Variants in STAT5B observed in about 807,000 individuals in gnomAD.
The protein encoded by STAT5B is transcription factor STAT5B.
In STAT5B, 21 loss-of-function variants were observed where a neutral mutation model predicts 107.8. That is an observed-to-expected ratio of 0.19 (90% CI 0.14 to 0.28). The LOEUF is 0.28. STAT5B is among the 10% of genes least tolerant of loss of function. The pLI is 1.00. For synonymous variants in STAT5B, 325 were observed against 401.7 expected (o/e 0.81, Z 2.28); for missense variants, 565 against 1,008.2 (o/e 0.56, Z 5.95).
chr17:42,238,583 A>G (rs2144317564), intron 1 of STAT5B, among the ~76,000 whole-genome samples: 1 of 151,170 alleles, frequency 6.6e-6, no homozygotes, highest in African/African-American at 2.4e-5. Context: ...CCTCCTAAGC[A>G]GCTGGGATTA....
chr17:42,240,826 T>C (rs1277072622), intron 1 of STAT5B, among the ~76,000 whole-genome samples: 2 of 152,214 alleles, frequency 1.3e-5, no homozygotes, highest in Admixed American at 6.5e-5. Flanking sequence ...CTGTTTGTTA[T>C]ATTTCATAAT....
At chr17:42,243,938 G>A (rs1329716054) in intron 1 of STAT5B, among the ~76,000 whole-genome samples, 1 of 152,132 alleles carries the variant, frequency 6.6e-6, no homozygotes, top group Non-Finnish European at 1.5e-5. Context: ...ATCCCTTTGG[G>A]AAGAAGCTAC....
At chr17:42,255,533 C>T (rs2080535474) in intron 1 of STAT5B, among the ~76,000 whole-genome samples, 2 of 151,850 alleles carry the variant, frequency 1.3e-5, no homozygotes, top group Admixed American at 6.6e-5. Context: ...AATTATGTTG[C>T]AAAAAAAGGA....
At chr17:42,248,980 T>C (rs2080475814) in intron 1 of STAT5B, among the ~76,000 whole-genome samples, 1 of 152,236 alleles carries the variant, frequency 6.6e-6, no homozygotes, top group Non-Finnish European at 1.5e-5. Context: ...TAAGATCATA[T>C]GGAGCTACGC....
chr17:42,215,728 C>T (rs1468355798), intron 12 of STAT5B, among the ~76,000 whole-genome samples: 3 of 152,062 alleles, frequency 2.0e-5, no homozygotes, highest in South Asian at 2.1e-4. Flanking sequence ...AAGTGATTGT[C>T]GTGCCTCAGC....
At chr17:42,210,554 T>C (rs1046759740) in intron 13 of STAT5B, 57 bp from the exon 14 acceptor site, 54 of 1,439,930 alleles carry the variant, frequency 3.8e-5, no homozygotes, top group Non-Finnish European at 5.3e-5. Context: ...TGGAATATTA[T>C]ACACATATTT....
At chr17:42,244,096 T>TC (rs2080429972) in intron 1 of STAT5B, among the ~76,000 whole-genome samples, 1 of 151,390 alleles carries the variant, frequency 6.6e-6, no homozygotes, top group Non-Finnish European at 1.5e-5. Flanking sequence ...TCTTTTCTTT[T>TC]TTTTTTTTTG....
At chr17:42,227,756 A>G in intron 2 of STAT5B, 71 bp from the exon 3 acceptor site, 1 of 1,506,118 alleles carries the variant, frequency 6.6e-7, no homozygotes, top group East Asian at 2.3e-5. Flanking sequence ...GCCTCAACAC[A>G]TCCTACTTTT....
intron 1 of STAT5B, among the ~76,000 whole-genome samples, chr17:42,264,380 CCA>C (rs969316009): frequency 7.6e-6 from 1 of 131,800 alleles, no homozygotes; most frequent in African/African-American, 2.8e-5. Context: ...ACAACAGTCC[CCA>C]GAGTGTGATG....
At chr17:42,237,067 A>T (rs1026641977) in intron 1 of STAT5B, among the ~76,000 whole-genome samples, 2 of 152,350 alleles carry the variant, frequency 1.3e-5, no homozygotes, top group Non-Finnish European at 2.9e-5. Flanking sequence ...GATGAGAACT[A>T]TTTGAGCTCG....
intron 1 of STAT5B, among the ~76,000 whole-genome samples, chr17:42,239,246 CAA>C (rs770177992): frequency 1.1e-4 from 6 of 52,494 alleles, no homozygotes; most frequent in Non-Finnish European, 1.8e-4. Context: ...GACTCTGTCT[CAA>C]AAAAAAAAAA....
chr17:42,201,675 A>C lies in STAT5B; in HGVS notation c.*63T>G. 9.3e-7 allele frequency: 1 copy of C among 1,072,446 alleles called. No homozygotes were observed. Among genetic ancestry groups the C allele is most frequent in the East Asian group, 2.4e-5 (1 of 42,438 alleles). The allele number at this position is 1,072,446 out of a possible 1,614,324, so 66.4% of individuals were successfully genotyped here. ...AAAGAGAAGCGATTCATGGAATTAA[A>C]ACATCCACAAGAGTGATTCCTCTGG... On this transcript the variant is annotated 3_prime_UTR_variant, in exon 19 of 19. Transcript: ENST00000293328.
intron 15 of STAT5B, among the ~76,000 whole-genome samples, chr17:42,208,918 G>A (rs1293438288): frequency 6.6e-6 from 1 of 152,038 alleles, no homozygotes; most frequent in Non-Finnish European, 1.5e-5. Flanking sequence ...GTTTTTAGTA[G>A]AGACGGGGGT....
chr17:42,202,621 C>A, intron 17 of STAT5B, 136 bp downstream of exon 17: 1 of 1,521,994 alleles, frequency 6.6e-7, no homozygotes, highest in Non-Finnish European at 9.1e-7. Context: ...ATAGCATCAC[C>A]AAGCCCAGGT....
intron 17 of STAT5B, 117 bp downstream of exon 17, chr17:42,202,640 A>G: frequency 6.4e-7 from 1 of 1,562,408 alleles, no homozygotes; most frequent in Non-Finnish European, 8.8e-7. Flanking sequence ...GTCCTTCCCC[A>G]GGGCTGAGAC....
chr17:42,222,914 C>A (rs968481619), intron 5 of STAT5B, among the ~76,000 whole-genome samples: 2 of 151,932 alleles, frequency 1.3e-5, no homozygotes, highest in African/African-American at 4.8e-5. Context: ...GAACTCCTGA[C>A]CTCAGGTGAT....
chr17:42,215,942 G>A, intron 12 of STAT5B, 72 bp downstream of exon 12: 1 of 1,522,914 alleles, frequency 6.6e-7, no homozygotes, highest in Non-Finnish European at 9.0e-7. Flanking sequence ...CTTTTTAAAA[G>A]GATAATACAT....
intron 15 of STAT5B, 96 bp from the exon 16 acceptor site, chr17:42,207,824 T>C: frequency 1.6e-6 from 2 of 1,265,728 alleles, no homozygotes; most frequent in Non-Finnish European, 2.3e-6. Context: ...CTTGCCATTA[T>C]AATGGCTCCA....
Position 42,218,345 on chromosome 17 carries a change from G to C in STAT5B, c.990-15C>G. The stretch of plus-strand genomic sequence containing the variant: ...TGATGAACGTGCTGCAGGGGACACA[G>C]GGACAGATGCATGATGAGGGGCTGG... On this transcript the variant is annotated splice_polypyrimidine_tract_variant and intron_variant, in intron 8 of 18. Transcript: ENST00000293328. 1 of 1,611,350 alleles carries C rather than the reference G, an allele frequency of 6.2e-7. No homozygotes were observed. The highest frequency in any genetic ancestry group is 8.5e-7 in the Non-Finnish European group (1 of 1,177,932).
Sources: allele counts gnomAD v4.1 joint callset (sites outside exome capture counted in the v4.1 genomes callset), GRCh38; gene constraint gnomAD v4.1.1; transcripts MANE v1.5; gene names NCBI Gene and HGNC (gene_info 2026-07-23, HGNC 2026-07-21).